Variants in PCDHA7 observed in about 807,000 individuals in gnomAD.
PCDHA7 encodes the protein protocadherin alpha 7, also known as protocadherin alpha-7.
Under a neutral mutation model 57.2 loss-of-function variants are expected in PCDHA7, and 37 were observed. The observed-to-expected ratio is 0.65, with a 90% confidence interval of 0.50 to 0.85. The LOEUF is 0.85. Among genes scored for constraint, PCDHA7 ranks in the 40% least tolerant of loss-of-function variants. The pLI is 0.00. For synonymous variants in PCDHA7, 553 were observed against 558.8 expected (o/e 0.99, Z 0.15); for missense variants, 1,188 against 1,241.8 (o/e 0.96, Z 0.65).
At chr5:140,956,003 C>T (rs2153708657) in intron 1 of PCDHA7, among the ~76,000 whole-genome samples, 1 of 152,232 alleles carries the variant, frequency 6.6e-6, no homozygotes, top group East Asian at 1.9e-4. Flanking sequence ...ATTTTGTATC[C>T]TGAGACTTTG....
chr5:140,917,130 C>T (rs1449410463), intron 1 of PCDHA7, among the ~76,000 whole-genome samples: 1 of 152,060 alleles, frequency 6.6e-6, no homozygotes, highest in Non-Finnish European at 1.5e-5. Flanking sequence ...AGACTCCCCA[C>T]GTTGCTCAGC....
intron 1 of PCDHA7, among the ~76,000 whole-genome samples, chr5:140,887,146 G>A (rs1160453059): frequency 9.9e-5 from 15 of 151,600 alleles, no homozygotes; most frequent in Non-Finnish European, 2.1e-4. Context: ...GCCCAGGCTG[G>A]AGTACAGTGG....
At chr5:140,958,339 G>A (rs1177083248) in intron 1 of PCDHA7, among the ~76,000 whole-genome samples, 2 of 152,024 alleles carry the variant, frequency 1.3e-5, no homozygotes, top group African/African-American at 4.8e-5. Context: ...TAAATCACAG[G>A]AAGTTCACAG....
At chr5:140,884,483 C>T (rs376374275) in intron 1 of PCDHA7, 3 of 1,613,862 alleles carry the variant, frequency 1.9e-6, no homozygotes, top group East Asian at 4.5e-5. Flanking sequence ...CAAGCCCACT[C>T]TAGTGTGCTC....
chr5:140,889,067 C>T (rs1169049844), intron 1 of PCDHA7, among the ~76,000 whole-genome samples: 1 of 151,942 alleles, frequency 6.6e-6, no homozygotes, highest in Admixed American at 6.6e-5. Flanking sequence ...TAATATACTA[C>T]TTATTTTGTT....
intron 1 of PCDHA7, 77 bp downstream of exon 1, chr5:140,836,815 A>AT (rs1774761727): frequency 8.3e-7 from 1 of 1,210,190 alleles, no homozygotes; most frequent in African/African-American, 1.5e-5. Context: ...TTCTTTCATA[A>AT]TTTCTTTTTT....
chr5:140,870,582 G>T (rs1554164436), intron 1 of PCDHA7: 2 of 1,613,846 alleles, frequency 1.2e-6, no homozygotes, highest in Non-Finnish European at 1.7e-6. Flanking sequence ...CCTACTCGCT[G>T]GTGGAGCGGC....
chr5:140,886,413 C>T (rs1465937681), intron 1 of PCDHA7, among the ~76,000 whole-genome samples: 1 of 152,042 alleles, frequency 6.6e-6, no homozygotes, highest in Non-Finnish European at 1.5e-5. Flanking sequence ...ATGTTTTCCT[C>T]CTATATTATT....
Position 140,838,372 on chromosome 5 carries a change from C to T in PCDHA7, c.2355+1634C>T, listed in dbSNP as rs2150288337. ...ATCTGGGACTCAAGTGATCTGACTG[C>T]CTCAGCCTCCCAATGTGCTGGGATT... On this transcript the variant is annotated intron_variant, in intron 1 of 3. Transcript: ENST00000525929. Among the ~76,000 whole-genome samples the T allele has an allele frequency of 3.3e-5, 5 of 151,128 alleles. No homozygotes were observed. In the South Asian group the frequency reaches 1.0e-3, roughly 32 times the overall value.
intron 1 of PCDHA7, chr5:140,926,750 G>T: frequency 8.0e-7 from 1 of 1,256,516 alleles, no homozygotes; most frequent in East Asian, 2.9e-5. Context: ...AACGTCGGCG[G>T]TCGCTGAGTA....
intron 1 of PCDHA7, chr5:140,849,885 G>C (rs2150456327): frequency 1.3e-6 from 2 of 1,598,614 alleles, no homozygotes; most frequent in Non-Finnish European, 1.7e-6. Flanking sequence ...CACGGTGTTC[G>C]TGAAGGAGAA....
intron 1 of PCDHA7, among the ~76,000 whole-genome samples, chr5:140,972,724 C>T (rs953044769): frequency 1.9e-4 from 27 of 140,890 alleles, no homozygotes; most frequent in Non-Finnish European, 3.3e-4. Context: ...AGTGCAGTGG[C>T]GTAATCCCGG....
At chr5:140,862,356 A>G in intron 1 of PCDHA7, 1 of 338,010 alleles carries the variant, frequency 3.0e-6, no homozygotes, top group Non-Finnish European at 5.8e-6. Context: ...GCCAAGGGAC[A>G]GACGACCCGC....
chr5:140,936,780 T>C (rs2091148034), intron 1 of PCDHA7, among the ~76,000 whole-genome samples: 1 of 152,224 alleles, frequency 6.6e-6, no homozygotes, highest in Non-Finnish European at 1.5e-5. Flanking sequence ...TCTCTCACTT[T>C]GTTATTCTGC....
Position 140,835,907 on chromosome 5 carries a change from G to C in PCDHA7, c.1524G>C (p.Val508=). 6.2e-7 allele frequency: 1 copy of C among 1,612,200 alleles called. No individual in the cohort carries two copies. The highest frequency in any genetic ancestry group is 8.5e-7 in the Non-Finnish European group (1 of 1,179,648). ...RVGERALSSY[V]SVHAESGKVY... ...GCGAGCGCGCGCTGTCGAGCTACGT[G>C]TCAGTGCACGCGGAGAGCGGCAAGG... is the stretch of plus-strand genomic sequence containing the variant. Residue 508 remains valine (V), a synonymous_variant, in exon 1 of 4, where the codon GTG becomes GTC. Transcript: ENST00000525929.
At chr5:140,913,447 CG>C (rs2076342854) in intron 1 of PCDHA7, among the ~76,000 whole-genome samples, 1 of 152,026 alleles carries the variant, frequency 6.6e-6, no homozygotes, top group Non-Finnish European at 1.5e-5. Context: ...TTTTCAGCTC[CG>C]ATTTTATTTA....
chr5:140,916,559 G>C (rs1170876334), intron 1 of PCDHA7, among the ~76,000 whole-genome samples: 2 of 152,224 alleles, frequency 1.3e-5, no homozygotes, highest in African/African-American at 4.8e-5. Flanking sequence ...TATTTGTCCA[G>C]GGTGTGTCTA....
chr5:140,868,708 A>C, intron 1 of PCDHA7: 1 of 186,682 alleles, frequency 5.4e-6, no homozygotes, highest in Non-Finnish European at 1.1e-5. Context: ...CATAGACACA[A>C]TAATTTAAAT....
intron 1 of PCDHA7, among the ~76,000 whole-genome samples, chr5:140,922,269 T>C (rs782114145): frequency 1.3e-5 from 2 of 152,214 alleles, no homozygotes; most frequent in Non-Finnish European, 2.9e-5. Context: ...GCCATGAAGA[T>C]TGGACCAAGA....
Sources: gnomAD v4.1 joint callset for allele counts (sites outside exome capture counted in the v4.1 genomes callset) on GRCh38, gnomAD v4.1.1 for gene constraint, MANE v1.5 for transcripts, NCBI Gene and HGNC (gene_info 2026-07-23, HGNC 2026-07-21) for gene names.